Variants in ACSM2B observed in about 807,000 individuals in gnomAD.
ACSM2B encodes acyl-CoA synthetase medium chain family member 2B.
Under a neutral mutation model 78.6 loss-of-function variants are expected in ACSM2B, and 58 were observed. The ratio of observed to expected loss-of-function variants is 0.74; its 90% CI spans 0.60 to 0.92. The LOEUF (loss-of-function observed/expected upper bound fraction) is 0.92, where lower values mean the gene tolerates loss of function less well. Ranked by LOEUF, ACSM2B falls within the 40% of genes least tolerant of loss-of-function variation. The pLI is 0.00. For synonymous variants in ACSM2B, 257 were observed against 256.8 expected (o/e 1.00, Z -0.01); for missense variants, 688 against 711.2 (o/e 0.97, Z 0.37).
intron 13 of ACSM2B, among the ~76,000 whole-genome samples, chr16:20,538,958 T>C (rs934160140): frequency 6.6e-6 from 1 of 151,996 alleles, no homozygotes; most frequent in African/African-American, 2.4e-5. Context: ...CCTGTGGGGA[T>C]TGCCTCAGCC....
intron 1 of ACSM2B, among the ~76,000 whole-genome samples, chr16:20,567,327 C>T (rs1474828983): frequency 9.0e-6 from 1 of 111,410 alleles, no homozygotes; most frequent in South Asian, 2.5e-4. Flanking sequence ...ATGTAATATA[C>T]AGTATAATAT....
chr16:20,549,082 A>C (rs2015228733), intron 6 of ACSM2B, among the ~76,000 whole-genome samples: 1 of 152,136 alleles, frequency 6.6e-6, no homozygotes, highest in African/African-American at 2.4e-5. Flanking sequence ...TCCTCATGAT[A>C]CAGAGGGGAA....
At chr16:20,574,099 C>T (rs2016176886) in intron 1 of ACSM2B, 1 of 152,208 alleles carries the variant, frequency 6.6e-6, no homozygotes, top group Non-Finnish European at 1.5e-5. Context: ...GAGCGGCCAT[C>T]TATAGACCTA....
chr16:20,566,247 T>TTTTATA (rs1491507567), intron 1 of ACSM2B, among the ~76,000 whole-genome samples: 890 of 69,946 alleles, frequency 0.013, 29 homozygotes, highest in African/African-American at 0.03. Context: ...TCATGGAAGA[T>TTTTATA]TATATATATA....
At chr16:20,556,228 T>A (rs1294654523) in intron 3 of ACSM2B, among the ~76,000 whole-genome samples, 1 of 152,228 alleles carries the variant, frequency 6.6e-6, no homozygotes, top group Non-Finnish European at 1.5e-5. Context: ...ATATATCCCA[T>A]GATTATCACT....
chr16:20,575,776 G>T (rs1261089907), intron 1 of ACSM2B: 1 of 149,284 alleles, frequency 6.7e-6, no homozygotes, highest in Non-Finnish European at 1.5e-5. Context: ...AACCATCACA[G>T]TGTCTGACAT....
chr16:20,537,053 C>T lies in ACSM2B; in HGVS notation c.*205G>A. On this transcript the variant is annotated 3_prime_UTR_variant, in exon 14 of 14. Coordinates refer to ENST00000329697, the MANE Select transcript of ACSM2B (RefSeq NM_001105069.2). ...TTTTCTTTCCTCTTTTTCTGTTACCCTCTCCTTTTCACTCTCTCTCATTCC... is the reference window on the plus strand; with the variant it reads ...TTTTCTTTCCTCTTTTTCTGTTACCTTCTCCTTTTCACTCTCTCTCATTCC... The T allele has an allele frequency of 1.9e-6, 1 of 520,998 alleles. No individual in the cohort carries two copies. The allele number at this position is 520,998 out of a possible 1,614,324, so 32.3% of individuals were successfully genotyped here. A position where few individuals can be genotyped will look rare whatever the true frequency, so the allele number is the denominator to read the frequency against.
chr16:20,566,734 G>C (rs10580064), intron 1 of ACSM2B, among the ~76,000 whole-genome samples: 32 of 6,290 alleles, frequency 5.1e-3, no homozygotes, highest in Middle Eastern at 0.25. Flanking sequence ...ACTATATATA[G>C]TATATACTAT....
At chr16:20,572,783 T>C (rs1450516681) in intron 1 of ACSM2B, among the ~76,000 whole-genome samples, 6 of 151,954 alleles carry the variant, frequency 3.9e-5, no homozygotes, top group African/African-American at 1.5e-4. Flanking sequence ...AATTTTTTTT[T>C]CTTTGTCTTT....
chr16:20,545,538 C>T (rs989529395), intron 9 of ACSM2B, among the ~76,000 whole-genome samples: 1 of 152,160 alleles, frequency 6.6e-6, no homozygotes, highest in African/African-American at 2.4e-5. Context: ...CCTCCTCTTA[C>T]CTTTGAGACC....
At chr16:20,545,103 T>C in intron 10 of ACSM2B, 54 bp downstream of exon 10, 3 of 1,569,966 alleles carry the variant, frequency 1.9e-6, no homozygotes, top group Non-Finnish European at 1.7e-6. Flanking sequence ...CCTCATCCCG[T>C]TTAGTGCTCC....
At position 20,568,552 on chromosome 16, in the gene ACSM2B, G is replaced by C. The variant is rs369248455; in HGVS notation, c.-8-3699C>G. 4.9e-4 allele frequency among the ~76,000 whole-genome samples: 74 copies of C among 151,052 alleles called. 1 individual carries two copies. In the South Asian group the frequency reaches 0.015, roughly 31 times the overall value. ...ACATGCATGTGCAGTGACTTCTTTC[G>C]TATAATGACTTATTTTTCTCTTGGT... On this transcript the variant is annotated intron_variant, in intron 1 of 13. Coordinates refer to ENST00000329697, the MANE Select transcript of ACSM2B (RefSeq NM_001105069.2).
intron 1 of ACSM2B, among the ~76,000 whole-genome samples, chr16:20,566,725 C>CTATATATACTATATATACTATA (rs1567218549): frequency 4.5e-5 from 1 of 22,208 alleles, no homozygotes; most frequent in Non-Finnish European, 6.9e-5. Flanking sequence ...ATAGTATATA[C>CTATATATACTATATATACTATA]TATATATAGT....
chr16:20,557,062 G>A (rs2015498079), intron 3 of ACSM2B, among the ~76,000 whole-genome samples: 1 of 152,044 alleles, frequency 6.6e-6, no homozygotes, highest in Admixed American at 6.6e-5. Context: ...TGCAAGCAGA[G>A]GTGGAAACGG....
chr16:20,552,978 C>T (rs8050847), intron 5 of ACSM2B, among the ~76,000 whole-genome samples: 58,058 of 151,934 alleles, frequency 0.38, 14,092 homozygotes, highest in East Asian at 0.87. Flanking sequence ...AAAAATGAGA[C>T]CACTACCAAA....
intron 6 of ACSM2B, among the ~76,000 whole-genome samples, chr16:20,551,302 C>T (rs1307749395): frequency 6.6e-6 from 1 of 151,978 alleles, no homozygotes; most frequent in Non-Finnish European, 1.5e-5. Flanking sequence ...TGTGTCCCCA[C>T]CTAAATCCCT....
chr16:20,561,200 T>C (rs1470471219), intron 2 of ACSM2B, among the ~76,000 whole-genome samples: 3 of 152,042 alleles, frequency 2.0e-5, no homozygotes, highest in African/African-American at 7.2e-5. Flanking sequence ...ACTGTGTGAT[T>C]TCATTTATAT....
chr16:20,541,834 C>T (rs2152131690), intron 12 of ACSM2B: 1 of 152,428 alleles, frequency 6.6e-6, no homozygotes, highest in East Asian at 1.9e-4. Flanking sequence ...AGATGCCTGC[C>T]ACCGTGCCTG....
At chr16:20,562,090 T>C (rs988033429) in intron 2 of ACSM2B, among the ~76,000 whole-genome samples, 17 of 152,128 alleles carry the variant, frequency 1.1e-4, no homozygotes, top group African/African-American at 3.9e-4. Context: ...AACATGAGTG[T>C]ACACATATTT....
Sources: gnomAD v4.1 joint callset for allele counts (sites outside exome capture counted in the v4.1 genomes callset) on GRCh38, gnomAD v4.1.1 for gene constraint, MANE v1.5 for transcripts, NCBI Gene and HGNC (gene_info 2026-07-23, HGNC 2026-07-21) for gene names.